The following PLCB1 variants were observed in gnomAD, a reference collection of about 807,000 sequenced individuals.
PLCB1 encodes 1-phosphatidylinositol 4,5-bisphosphate phosphodiesterase beta-1.
In PLCB1, 46 loss-of-function variants were observed where a neutral mutation model predicts 161.8. That is an observed-to-expected ratio of 0.28 (90% CI 0.22 to 0.36). The LOEUF (loss-of-function observed/expected upper bound fraction) is 0.36. PLCB1 is among the 10% of genes least tolerant of loss of function. The pLI is 1.00. For missense variants in PLCB1, 1,016 were observed against 1,472.5 expected (o/e 0.69, Z 5.07); for synonymous variants, 517 against 503.7 (o/e 1.03, Z -0.35).
At chr20:8,574,329 G>A (rs181225280) in intron 3 of PLCB1, among the ~76,000 whole-genome samples, 2 of 152,244 alleles carry the variant, frequency 1.3e-5, no homozygotes, top group East Asian at 3.9e-4. Flanking sequence ...AAGACAAGAG[G>A]CAGAGGTTGC....
At chr20:8,343,964 C>T (rs1600330443) in intron 2 of PLCB1, among the ~76,000 whole-genome samples, 1 of 152,310 alleles carries the variant, frequency 6.6e-6, no homozygotes, top group East Asian at 1.9e-4. Flanking sequence ...ATTCCACTGT[C>T]AACCTCCATG....
At chr20:8,787,371 G>A (rs1327447243) in intron 27 of PLCB1, among the ~76,000 whole-genome samples, 1 of 152,186 alleles carries the variant, frequency 6.6e-6, no homozygotes, top group African/African-American at 2.4e-5. Flanking sequence ...TTTTTCCGGG[G>A]ACTCCCTTAT....
At chr20:8,732,604 A>T (rs2123498892) in intron 18 of PLCB1, among the ~76,000 whole-genome samples, 1 of 143,122 alleles carries the variant, frequency 7.0e-6, no homozygotes, top group African/African-American at 2.5e-5. Context: ...ATAGTGTATC[A>T]TATTAGAAAT....
intron 31 of PLCB1, among the ~76,000 whole-genome samples, chr20:8,812,438 C>T (rs1056319437): frequency 1.3e-5 from 2 of 151,552 alleles, no homozygotes; most frequent in African/African-American, 2.4e-5. Flanking sequence ...CTGGTGTGAG[C>T]GGGGGCTGGT....
intron 2 of PLCB1, among the ~76,000 whole-genome samples, chr20:8,325,645 G>A (rs915641909): frequency 1.3e-5 from 2 of 152,190 alleles, no homozygotes; most frequent in Non-Finnish European, 2.9e-5. Flanking sequence ...GGGTCAGGAA[G>A]GTTAAGTGAC....
intron 3 of PLCB1, among the ~76,000 whole-genome samples, chr20:8,522,044 T>C (rs1259861949): frequency 6.6e-6 from 1 of 152,214 alleles, no homozygotes; most frequent in Non-Finnish European, 1.5e-5. Context: ...CTCCAGAAGA[T>C]TGTCCTTGAG....
intron 3 of PLCB1, among the ~76,000 whole-genome samples, chr20:8,417,695 C>T (rs1299324770): frequency 6.6e-6 from 1 of 152,180 alleles, no homozygotes; most frequent in Non-Finnish European, 1.5e-5. Context: ...CTCCAATTGA[C>T]TTGCTATTTT....
At chr20:8,401,569 G>C (rs1978553148) in intron 3 of PLCB1, among the ~76,000 whole-genome samples, 1 of 152,192 alleles carries the variant, frequency 6.6e-6, no homozygotes, top group Non-Finnish European at 1.5e-5. Context: ...ACTCCCAAAT[G>C]TCAGTGGAAT....
intron 27 of PLCB1, 65 bp from the exon 28 acceptor site, chr20:8,788,384 G>T: frequency 7.1e-7 from 1 of 1,415,694 alleles, no homozygotes; most frequent in Non-Finnish European, 9.8e-7. Context: ...GTTGTTTGAG[G>T]GAGGTGGGAA....
At chr20:8,516,649 T>C (rs2082694460) in intron 3 of PLCB1, among the ~76,000 whole-genome samples, 1 of 141,880 alleles carries the variant, frequency 7.0e-6, no homozygotes, top group Admixed American at 7.3e-5. Context: ...AAGGTTTTTA[T>C]AGAAAATATA....
chr20:8,258,750 T>C (rs559512284), intron 2 of PLCB1, among the ~76,000 whole-genome samples: 1 of 152,334 alleles, frequency 6.6e-6, no homozygotes, highest in South Asian at 2.1e-4. Flanking sequence ...ATTAGTGTTA[T>C]TTTTGGCTTA....
chr20:8,783,814 G>A (rs181798094), intron 27 of PLCB1, among the ~76,000 whole-genome samples: 2 of 152,226 alleles, frequency 1.3e-5, no homozygotes, highest in East Asian at 3.9e-4. Flanking sequence ...AAAAATCTTG[G>A]GGAAAACCTT....
At chr20:8,639,983 G>A (rs1480519460) in intron 4 of PLCB1, among the ~76,000 whole-genome samples, 2 of 151,940 alleles carry the variant, frequency 1.3e-5, no homozygotes, top group Non-Finnish European at 2.9e-5. Context: ...CAAGGCCAAA[G>A]ACAAAGAATC....
chr20:8,538,298 T>C (rs1985134441), intron 3 of PLCB1, among the ~76,000 whole-genome samples: 1 of 152,164 alleles, frequency 6.6e-6, no homozygotes, highest in Non-Finnish European at 1.5e-5. Context: ...GGCCACAAAT[T>C]AACTAACCCT....
At chr20:8,249,878 G>A (rs1345143822) in intron 2 of PLCB1, 7 of 151,906 alleles carry the variant, frequency 4.6e-5, no homozygotes, top group African/African-American at 1.7e-4. Flanking sequence ...CATATTAGCT[G>A]TGCCCTCCCC....
intron 3 of PLCB1, among the ~76,000 whole-genome samples, chr20:8,399,876 G>A (rs2122467908): frequency 6.6e-6 from 1 of 152,136 alleles, no homozygotes; most frequent in South Asian, 2.1e-4. Flanking sequence ...TGGTTATTCT[G>A]CCTTATAAAC....
chr20:8,446,426 T>C (rs527436637), intron 3 of PLCB1, among the ~76,000 whole-genome samples: 28 of 152,306 alleles, frequency 1.8e-4, no homozygotes, highest in African/African-American at 6.3e-4. Flanking sequence ...ATAAGAGCTA[T>C]TTATGACAAA....
chr20:8,514,961 T>C (rs1984051223), intron 3 of PLCB1, among the ~76,000 whole-genome samples: 2 of 152,306 alleles, frequency 1.3e-5, no homozygotes, highest in East Asian at 3.9e-4. Flanking sequence ...ACCCAGGTGA[T>C]AGTAATGCTA....
intron 2 of PLCB1, among the ~76,000 whole-genome samples, chr20:8,263,063 A>G (rs1981785850): frequency 6.6e-6 from 1 of 152,210 alleles, no homozygotes; most frequent in Non-Finnish European, 1.5e-5. Context: ...AGGACAGGCA[A>G]CATTTCAGCT....
Sources: allele counts gnomAD v4.1 joint callset (sites outside exome capture counted in the v4.1 genomes callset), GRCh38; gene constraint gnomAD v4.1.1; transcripts MANE v1.5; gene names NCBI Gene and HGNC (gene_info 2026-07-23, HGNC 2026-07-21).